The following LSMEM1 variants were observed in gnomAD, a reference collection of about 807,000 sequenced individuals.
LSMEM1 encodes the protein leucine rich single-pass membrane protein 1.
A neutral mutation model predicts 11.3 loss-of-function variants in LSMEM1; 10 were observed. The observed-to-expected ratio is 0.89, with a 90% CI of 0.55 to 1.50. The LOEUF is 1.50. Among genes scored for constraint, LSMEM1 ranks in the 40% most tolerant of loss-of-function variants. The pLI is 0.00. For synonymous variants in LSMEM1, 65 were observed against 59.3 expected (o/e 1.10, Z -0.44); for missense variants, 151 against 152.9 (o/e 0.99, Z 0.06).
Position 112,487,048 on chromosome 7 carries a change from ATAGG to A in LSMEM1, c.256_256+3del. The A allele has an allele frequency of 6.2e-7, 1 of 1,614,000 alleles. No homozygotes were observed. Among genetic ancestry groups the A allele is most frequent in the Non-Finnish European group, 8.5e-7 (1 of 1,179,938 alleles). The stretch of plus-strand genomic sequence containing the variant: ...ACTGGTTTTTTTCGTGATATTTCTA[ATAGG>A]TAAGTACCACCACAGGTTTCTTTTT... On this transcript the variant is annotated splice_donor_variant and coding_sequence_variant, in exon 3 of 4. Coordinates refer to ENST00000312849, the MANE Select transcript of LSMEM1 (RefSeq NM_182597.3). LOFTEE classifies it high-confidence loss of function.
Position 112,489,828 on chromosome 7 carries a change from T to C in LSMEM1, c.275T>C (p.Met92Thr), listed in dbSNP as rs1489953122. 1 of 1,612,994 alleles carries C rather than the reference T, an allele frequency of 6.2e-7. No individual in the cohort carries two copies. The highest frequency in any genetic ancestry group is 1.7e-5 in the Admixed American group (1 of 59,720). The change falls in exon 4 of 4, where the codon ATG (methionine) becomes ACG (threonine). Residue 92 changes from methionine to threonine, a missense_variant. Physicochemically the swap from Met to Thr is moderately conservative, Grantham distance 81. Transcript: ENST00000312849. The part of the protein sequence containing the change: ...IFLIVQTGNK[M>T]DDVSRRLTAE... ...TTTGAAGTTCAAACTGGAAACAAGA[T>C]GGATGATGTGTCAAGAAGACTAACA...
At chr7:112,485,889 C>T (rs1412410060) in intron 2 of LSMEM1, among the ~76,000 whole-genome samples, 1 of 151,336 alleles carries the variant, frequency 6.6e-6, no homozygotes, top group African/African-American at 2.4e-5. Flanking sequence ...TCCACTACCC[C>T]AGGTTTCTGC....
At chr7:112,488,972 G>T (rs1239955049) in intron 3 of LSMEM1, among the ~76,000 whole-genome samples, 2 of 152,210 alleles carry the variant, frequency 1.3e-5, no homozygotes, top group Non-Finnish European at 2.9e-5. Flanking sequence ...CCAAGGTCAC[G>T]TTGCTAATAA....
At chr7:112,485,218 C>G (rs914564375) in intron 2 of LSMEM1, among the ~76,000 whole-genome samples, 2 of 152,118 alleles carry the variant, frequency 1.3e-5, no homozygotes, top group African/African-American at 4.8e-5. Context: ...AGGGGTGGAG[C>G]CTGCAGAGCT....
intron 3 of LSMEM1, 143 bp downstream of exon 3, chr7:112,487,194 A>G (rs1357863919): frequency 1.0e-6 from 1 of 993,094 alleles, no homozygotes; most frequent in Non-Finnish European, 1.5e-6. Flanking sequence ...GAATGCCTTG[A>G]GTGAACACCA....
In LSMEM1 at chr7:112,490,979, A is replaced by G. The variant is rs888855727; in HGVS notation, c.*1030A>G. On this transcript the variant is annotated 3_prime_UTR_variant, in exon 4 of 4. Coordinates refer to ENST00000312849, the MANE Select transcript of LSMEM1 (RefSeq NM_182597.3). ...ATGATTCTATCATTTTGGATTGATCAAAAACATTTGGGTTTACTACGATAT... is the reference window on the plus strand; with the variant it reads ...ATGATTCTATCATTTTGGATTGATCGAAAACATTTGGGTTTACTACGATAT... The G allele has an allele frequency of 6.6e-6, 1 of 152,222 alleles. No individual in the cohort carries two copies. The allele number at this position is 152,222 out of a possible 1,614,324, so 9.4% of individuals were successfully genotyped here.
intron 3 of LSMEM1, among the ~76,000 whole-genome samples, chr7:112,488,473 T>C (rs112748831): frequency 7.2e-5 from 11 of 152,174 alleles, no homozygotes; most frequent in Non-Finnish European, 1.3e-4. Flanking sequence ...GTAGCAAGAT[T>C]GAGGGAAATA....
upstream of LSMEM1, chr7:112,480,733 C>T (rs962572970): frequency 1.5e-4 from 66 of 446,310 alleles, no homozygotes; most frequent in African/African-American, 1.0e-3. Flanking sequence ...ATGAAATCGC[C>T]CACTCACAAT....
At position 112,489,935 on chromosome 7, in the gene LSMEM1, T is replaced by G; in HGVS notation, c.382T>G (p.Ser128Ala). Reference sequence around the variant, plus strand: ...ACTCAACCAACTCAACCAACTGGACTCTGAACAAAACTAAAGGAATGATTT... The same window carrying G: ...ACTCAACCAACTCAACCAACTGGACGCTGAACAAAACTAAAGGAATGATTT... The part of the protein sequence containing the change: ...KRLNQLNQLD[S>A]EQN Residue 128 changes from serine to alanine, a missense_variant, in exon 4 of 4, where the codon TCT becomes GCT. By Grantham distance (99) the Ser-to-Ala change is moderately conservative (BLOSUM62 1). Coordinates refer to ENST00000312849, the MANE Select transcript of LSMEM1 (RefSeq NM_182597.3). 1 of 1,612,868 alleles carries G rather than the reference T, an allele frequency of 6.2e-7. No individual in the cohort carries two copies. Among genetic ancestry groups the G allele is most frequent in the South Asian group, 1.1e-5 (1 of 90,886 alleles).
At chr7:112,486,661 A>G (rs1229727477) in intron 2 of LSMEM1, among the ~76,000 whole-genome samples, 1 of 152,170 alleles carries the variant, frequency 6.6e-6, no homozygotes, top group Non-Finnish European at 1.5e-5. Flanking sequence ...CTGTAGTCCC[A>G]GCTACTCGGG....
chr7:112,483,256 C>T (rs1796065527), intron 1 of LSMEM1, among the ~76,000 whole-genome samples: 1 of 151,888 alleles, frequency 6.6e-6, no homozygotes. Flanking sequence ...GTCAAATACA[C>T]ACAGGCACCA....
intron 2 of LSMEM1, chr7:112,486,134 T>C (rs1796123338): frequency 5.7e-6 from 1 of 175,672 alleles, no homozygotes. Context: ...TTTAAATGGA[T>C]GTAGGCTTAA....
upstream of LSMEM1, chr7:112,480,715 C>A: frequency 2.3e-6 from 1 of 433,530 alleles, no homozygotes; most frequent in Non-Finnish European, 4.6e-6. Flanking sequence ...TGTGGTGGGT[C>A]TGTATCCATG....
At chr7:112,488,921 C>T (rs1169290286) in intron 3 of LSMEM1, among the ~76,000 whole-genome samples, 1 of 152,054 alleles carries the variant, frequency 6.6e-6, no homozygotes, top group African/African-American at 2.4e-5. Flanking sequence ...TTTGGTTTTA[C>T]CAGTGCTGAA....
rs370401427 is a variant in LSMEM1 at position 112,489,895 on chromosome 7, C to T, written c.342C>T (p.Asn114=). ...KDIDDLKRIN[N]MIVKRLNQLN... ...TAGATGATCTTAAGAGAATCAATAA[C>T]ATGATCGTAAAGCGACTCAACCAAC... Residue 114 remains asparagine, a synonymous_variant, in exon 4 of 4, where the codon AAC becomes AAT. Coordinates refer to ENST00000312849, the MANE Select transcript of LSMEM1 (RefSeq NM_182597.3). 1.5e-5 allele frequency: 25 copies of T among 1,613,966 alleles called. 1 individual carries two copies. The highest frequency in any genetic ancestry group is 2.0e-5 in the Non-Finnish European group (24 of 1,179,978).
At chr7:112,481,983 T>C (rs1257308164) in intron 1 of LSMEM1, among the ~76,000 whole-genome samples, 1 of 152,236 alleles carries the variant, frequency 6.6e-6, no homozygotes, top group Non-Finnish European at 1.5e-5. Context: ...CATTTGGAGA[T>C]GCCAAAGATA....
chr7:112,480,831 T>G, upstream of LSMEM1: 3 of 456,282 alleles, frequency 6.6e-6, no homozygotes, highest in Non-Finnish European at 1.3e-5. Flanking sequence ...CCGTGTTTAT[T>G]GCAGTTCTCT....
intron 2 of LSMEM1, 109 bp downstream of exon 2, chr7:112,485,052 G>A: frequency 7.7e-7 from 1 of 1,296,402 alleles, no homozygotes. Flanking sequence ...GGGGCATTAG[G>A]AAGAGGTTGG....
intron 1 of LSMEM1, among the ~76,000 whole-genome samples, chr7:112,481,619 T>A (rs1161232667): frequency 6.7e-6 from 1 of 148,410 alleles, no homozygotes; most frequent in Non-Finnish European, 1.5e-5. Flanking sequence ...CTGGTGTGAG[T>A]TATTTCTGTG....
Sources: allele counts gnomAD v4.1 joint callset (sites outside exome capture counted in the v4.1 genomes callset), GRCh38; gene constraint gnomAD v4.1.1; transcripts MANE v1.5; gene names NCBI Gene and HGNC (gene_info 2026-07-23, HGNC 2026-07-21).